LRRC69: variants seen among roughly 807,000 people sequenced by gnomAD.
LRRC69 encodes leucine rich repeat containing 69.
LRRC69 carries 42 observed loss-of-function variants against 37.8 expected under a neutral mutation model. The ratio of observed to expected loss-of-function variants is 1.11; its 90% CI spans 0.87 to 1.44. The LOEUF is 1.44. LRRC69 is among the 40% of genes most tolerant of loss of function. LRRC69 has a pLI of 0.00. For missense variants in LRRC69, 357 were observed against 401.9 expected, an observed-to-expected ratio of 0.89 and a Z score of 0.96; for synonymous variants, 141 against 143.1, an observed-to-expected ratio of 0.99 and a Z score of 0.11.
chr8:91,148,997 G>A (rs1808676052), intron 5 of LRRC69, among the ~76,000 whole-genome samples: 1 of 151,346 alleles, frequency 6.6e-6, no homozygotes, highest in Non-Finnish European at 1.5e-5. Flanking sequence ...TTTGTCAAAT[G>A]AGTAGATTGC....
At chr8:91,167,476 G>T (rs987789729) in intron 5 of LRRC69, among the ~76,000 whole-genome samples, 3 of 151,692 alleles carry the variant, frequency 2.0e-5, no homozygotes, top group Non-Finnish European at 4.4e-5. Context: ...TTCAAGATTG[G>T]ATTTGTATGG....
chr8:91,218,354 A>ACTAAGAAGTGAGACTAG, intron 7 of LRRC69, among the ~76,000 whole-genome samples: 1 of 151,978 alleles, frequency 6.6e-6, no homozygotes, highest in African/African-American at 2.4e-5. Context: ...TATTTTGTAC[A>ACTAAGAAGTGAGACTAG]AATTATTTTG....
At position 91,135,698 on chromosome 8, in the gene LRRC69, C is replaced by CTAGA; in HGVS notation, c.611_614dup (p.Ile206ArgfsTer25). 1 of 1,461,168 alleles carries CTAGA rather than the reference C, an allele frequency of 6.8e-7. No individual in the cohort carries two copies. The highest frequency in any genetic ancestry group is 1.5e-5 in the African/African-American group (1 of 67,480). 90.5% of individuals were successfully genotyped at this position (1,461,168 alleles called of 1,614,324 possible). A position where few individuals can be genotyped will look rare whatever the true frequency, so the allele number is the denominator to read the frequency against. On this transcript the variant is annotated frameshift_variant, in exon 5 of 8. Coordinates refer to ENST00000448384, the Ensembl canonical transcript of LRRC69. LOFTEE classifies it high-confidence loss of function. Reference sequence around the variant, plus strand: ...TTGTGATCTTAAAAAACTAAGAATCCTAGACATAGCTGGAAATATTATTCA... The same window carrying CTAGA: ...TTGTGATCTTAAAAAACTAAGAATCCTAGATAGACATAGCTGGAAATATTATTCA...
At chr8:91,206,001 T>A (rs1482086056) in intron 7 of LRRC69, among the ~76,000 whole-genome samples, 2 of 152,212 alleles carry the variant, frequency 1.3e-5, no homozygotes, top group African/African-American at 4.8e-5. Context: ...AAATTTGTAG[T>A]AATCGATTTA....
At chr8:91,178,447 T>A (rs1809272880) in intron 5 of LRRC69, among the ~76,000 whole-genome samples, 1 of 151,996 alleles carries the variant, frequency 6.6e-6, no homozygotes, top group South Asian at 2.1e-4. Context: ...TCAGGGGCAA[T>A]CCAATAAAAA....
Position 91,148,905 on chromosome 8 carries a change from C to G in LRRC69, c.651+13166C>G, listed in dbSNP as rs550594396. Among the ~76,000 whole-genome samples, 811 of 151,972 alleles carry G rather than the reference C, an allele frequency of 5.3e-3. 6 individuals carry two copies. The highest frequency in any genetic ancestry group is 0.019 in the African/African-American group (784 of 41,514). On this transcript the variant is annotated intron_variant, in intron 5 of 7. Transcript: ENST00000448384. Reference sequence around the variant, plus strand: ...TCTTTTGAGAAATGTCTGTTCATATCGTTCACCCACTTTTTGATGGGGTTG... The same window carrying G: ...TCTTTTGAGAAATGTCTGTTCATATGGTTCACCCACTTTTTGATGGGGTTG...
intron 5 of LRRC69, among the ~76,000 whole-genome samples, chr8:91,167,938 C>A (rs1409197480): frequency 6.6e-6 from 1 of 151,884 alleles, no homozygotes; most frequent in African/African-American, 2.4e-5. Flanking sequence ...CTTAAATTCC[C>A]CAAGTCTCAA....
chr8:91,144,826 C>G (rs538035336), intron 5 of LRRC69, among the ~76,000 whole-genome samples: 107 of 152,028 alleles, frequency 7.0e-4, no homozygotes, highest in African/African-American at 2.0e-3. Context: ...CTACCGGTAT[C>G]TTTTGTTAGT....
At chr8:91,205,191 A>C (rs1809781914) in intron 7 of LRRC69, among the ~76,000 whole-genome samples, 1 of 152,180 alleles carries the variant, frequency 6.6e-6, no homozygotes, top group Admixed American at 6.5e-5. Context: ...GCTATCCTTC[A>C]TACCAAGTAG....
intron 5 of LRRC69, among the ~76,000 whole-genome samples, chr8:91,179,574 T>G (rs6981068): frequency 0.68 from 102,635 of 151,872 alleles, 35,136 homozygotes; most frequent in African/African-American, 0.74. Flanking sequence ...TTTAAGCAAC[T>G]ACCCACTTTA....
At chr8:91,176,903 G>A (rs1047084698) in intron 5 of LRRC69, among the ~76,000 whole-genome samples, 7 of 146,392 alleles carry the variant, frequency 4.8e-5, no homozygotes, top group South Asian at 2.1e-4. Context: ...ATCTGGATAC[G>A]CCATGGCCCA....
intron 1 of LRRC69, among the ~76,000 whole-genome samples, chr8:91,122,234 A>C (rs1813637706): frequency 6.6e-6 from 1 of 152,034 alleles, no homozygotes; most frequent in South Asian, 2.1e-4. Flanking sequence ...ATAATTCACC[A>C]TGAGTCTCAC....
intron 5 of LRRC69, among the ~76,000 whole-genome samples, chr8:91,141,494 C>T (rs183503613): frequency 9.1e-4 from 139 of 152,204 alleles, no homozygotes; most frequent in African/African-American, 3.3e-3. Context: ...TTGGCATCTG[C>T]AAGGGCAATT....
intron 5 of LRRC69, among the ~76,000 whole-genome samples, chr8:91,149,606 T>G (rs978102548): frequency 3.4e-4 from 51 of 152,010 alleles, no homozygotes; most frequent in Non-Finnish European, 6.2e-4. Context: ...AAGTAGTTTT[T>G]TCCAATTCTG....
chr8:91,128,917 G>T (rs966312029), intron 3 of LRRC69, among the ~76,000 whole-genome samples: 23 of 152,020 alleles, frequency 1.5e-4, no homozygotes, highest in Admixed American at 3.9e-4. Flanking sequence ...TGTGAATGGG[G>T]TGGTATATTT....
At position 91,187,589 on chromosome 8, in the gene LRRC69, A is replaced by G. The variant is rs149191211; in HGVS notation, c.652-1933A>G. ...ACAGTGGTTCCCTCAGCACTTCTGTATAATATATTTCTGTCCAGGTTCCTT... is the reference window on the plus strand; with the variant it reads ...ACAGTGGTTCCCTCAGCACTTCTGTGTAATATATTTCTGTCCAGGTTCCTT... On this transcript the variant is annotated intron_variant, in intron 5 of 7. Coordinates refer to ENST00000448384, the Ensembl canonical transcript of LRRC69. Among the ~76,000 whole-genome samples, 354 of 152,316 alleles carry G rather than the reference A, an allele frequency of 2.3e-3. 2 individuals are homozygous for G. The highest frequency in any genetic ancestry group is 7.6e-3 in the African/African-American group (314 of 41,568).
At chr8:91,216,651 G>A (rs754889082) in intron 7 of LRRC69, among the ~76,000 whole-genome samples, 4 of 152,074 alleles carry the variant, frequency 2.6e-5, no homozygotes, top group African/African-American at 4.8e-5. Flanking sequence ...AAAAGGAAAA[G>A]ACCATATTTA....
intron 5 of LRRC69, among the ~76,000 whole-genome samples, chr8:91,143,655 G>A (rs1808568502): frequency 6.6e-6 from 1 of 151,862 alleles, no homozygotes; most frequent in Non-Finnish European, 1.5e-5. Flanking sequence ...ACTATTTATG[G>A]GAAATCATAG....
At chr8:91,136,303 G>A (rs921139157) in intron 5 of LRRC69, among the ~76,000 whole-genome samples, 3 of 151,848 alleles carry the variant, frequency 2.0e-5, no homozygotes, top group Non-Finnish European at 4.4e-5. Flanking sequence ...GTAATAATGA[G>A]AAGTCCATCT....
Sources: gnomAD v4.1 joint callset for allele counts (sites outside exome capture counted in the v4.1 genomes callset) on GRCh38, gnomAD v4.1.1 for gene constraint, MANE v1.5 for transcripts, NCBI Gene and HGNC (gene_info 2026-07-23, HGNC 2026-07-21) for gene names.